CLSTN1: variants seen among roughly 807,000 people sequenced by gnomAD.
CLSTN1 encodes calsyntenin-1.
CLSTN1 carries 28 observed loss-of-function variants against 108.3 expected under a neutral mutation model. The observed-to-expected ratio is 0.26, with a 90% CI of 0.19 to 0.35. The LOEUF is 0.35. CLSTN1 is among the 10% of genes least tolerant of loss of function. CLSTN1 has a pLI of 1.00. For missense variants in CLSTN1, 1,157 were observed against 1,302.6 expected, an observed-to-expected ratio of 0.89 and a Z score of 1.72; for synonymous variants, 524 against 534.9, an observed-to-expected ratio of 0.98 and a Z score of 0.28.
Position 9,751,600 on chromosome 1 carries a change from G to C in CLSTN1, c.522C>G (p.Ile174Met), listed in dbSNP as rs180878409. The C allele has an allele frequency of 1.2e-6, 2 of 1,614,140 alleles. No individual in the cohort carries two copies. The highest frequency in any genetic ancestry group is 1.3e-5 in the African/African-American group (1 of 75,038). The stretch of plus-strand genomic sequence containing the variant: ...AAATGCTGTCGTACTGCTTCCCCTC[G>C]ATGACCGTGGCTTTGTAGGACTTCT... ...FKEKSYKATV[I>M]EGKQYDSILR... is the part of the protein sequence containing the mutation. Residue 174 changes from isoleucine (I) to methionine (M), a missense_variant, in exon 5 of 19, where the codon ATC becomes ATG. Ile to Met is a conservative substitution (Grantham distance 10, BLOSUM62 1). Coordinates refer to ENST00000377298, the MANE Select transcript of CLSTN1 (RefSeq NM_001009566.3).
chr1:9,774,383 T>C (rs891083948), intron 1 of CLSTN1, among the ~76,000 whole-genome samples: 3 of 151,912 alleles, frequency 2.0e-5, no homozygotes, highest in Non-Finnish European at 4.4e-5. Context: ...CTGGCCAATA[T>C]GTTGAAACCC....
chr1:9,754,965 G>A, intron 4 of CLSTN1, 149 bp downstream of exon 4: 1 of 608,660 alleles, frequency 1.6e-6, no homozygotes, highest in Non-Finnish European at 2.9e-6. Flanking sequence ...CCCTCCAAGT[G>A]TTTACAATCT....
At chr1:9,784,615 A>G (rs1653397866) in intron 1 of CLSTN1, among the ~76,000 whole-genome samples, 1 of 152,220 alleles carries the variant, frequency 6.6e-6, no homozygotes. Context: ...ATATTGCAAG[A>G]GACTGTTGGC....
chr1:9,750,107 G>A, intron 5 of CLSTN1, 194 bp from the exon 6 acceptor site: 1 of 546,512 alleles, frequency 1.8e-6, no homozygotes, highest in Non-Finnish European at 3.3e-6. Flanking sequence ...ATCCTGAAGA[G>A]TTTCAACAGA....
intron 4 of CLSTN1, 144 bp downstream of exon 4, chr1:9,754,970 C>T: frequency 1.6e-6 from 1 of 616,992 alleles, no homozygotes; most frequent in South Asian, 2.3e-5. Context: ...CAAGTGTTTA[C>T]AATCTAATTG....
At chr1:9,781,994 G>A (rs1339657866) in intron 1 of CLSTN1, among the ~76,000 whole-genome samples, 2 of 152,142 alleles carry the variant, frequency 1.3e-5, no homozygotes, top group Non-Finnish European at 2.9e-5. Flanking sequence ...GCTGAAAGCT[G>A]ACACTATTTC....
Position 9,730,407 on chromosome 1 carries a change from A to T in CLSTN1, c.*101T>A. 8.9e-7 allele frequency: 1 copy of T among 1,126,760 alleles called. No homozygotes were observed. Among genetic ancestry groups the T allele is most frequent in the Non-Finnish European group, 1.3e-6 (1 of 763,802 alleles). The allele number at this position is 1,126,760 out of a possible 1,614,324, so 69.8% of individuals were successfully genotyped here. A position where few individuals can be genotyped will look rare whatever the true frequency, so the allele number is the denominator to read the frequency against. On this transcript the variant is annotated 3_prime_UTR_variant, in exon 19 of 19. Transcript: ENST00000377298. This position sits in a 1 kb window ranked among gnomAD's most constrained non-coding sequence, Gnocchi z 5.6. ...GTGGCGGGGAGGGGTCTGCACACCT[A>T]CTGGCCGAAATGACTTTGTACATCG...
intron 1 of CLSTN1, among the ~76,000 whole-genome samples, chr1:9,792,602 C>G (rs1030264225): frequency 6.6e-6 from 1 of 151,360 alleles, no homozygotes; most frequent in African/African-American, 2.4e-5. Context: ...ACTCCAGCCA[C>G]GGGTGTCGGG....
intron 1 of CLSTN1, among the ~76,000 whole-genome samples, chr1:9,806,379 G>T (rs61479984): frequency 0.16 from 23,807 of 152,116 alleles, 2,198 homozygotes; most frequent in East Asian, 0.39. Context: ...GGGGTCCTGA[G>T]ACCAAACAAT....
rs1314677848 is a variant in CLSTN1 at position 9,734,916 on chromosome 1, C to T, written c.2110+32G>A. The T allele has an allele frequency of 6.3e-6, 10 of 1,585,304 alleles. No individual in the cohort carries two copies. Among genetic ancestry groups the T allele is most frequent in the South Asian group, 4.4e-5 (4 of 90,546 alleles). ...GGGACAATGGGGTTTCCGGCCGAGGCGAGGGAGCCCGCGCCCCACAGAGCA... is the reference window on the plus strand; with the variant it reads ...GGGACAATGGGGTTTCCGGCCGAGGTGAGGGAGCCCGCGCCCCACAGAGCA... On this transcript the variant is annotated intron_variant, in intron 14 of 18. Coordinates refer to ENST00000377298, the MANE Select transcript of CLSTN1 (RefSeq NM_001009566.3). This position sits in a 1 kb window ranked among gnomAD's most constrained non-coding sequence, Gnocchi z 4.8.
intron 1 of CLSTN1, among the ~76,000 whole-genome samples, chr1:9,817,208 T>A (rs1655007113): frequency 6.6e-6 from 1 of 152,232 alleles, no homozygotes; most frequent in South Asian, 2.1e-4. Flanking sequence ...TTCTATTAAT[T>A]CTTTTTAAGA....
intron 2 of CLSTN1, among the ~76,000 whole-genome samples, chr1:9,769,849 T>C (rs1161439723): frequency 6.6e-6 from 1 of 151,524 alleles, no homozygotes; most frequent in Non-Finnish European, 1.5e-5. Context: ...GAGACCACGG[T>C]GAAACCCCAT....
chr1:9,775,832 G>T (rs1652912147), intron 1 of CLSTN1, among the ~76,000 whole-genome samples: 3 of 152,140 alleles, frequency 2.0e-5, no homozygotes, highest in African/African-American at 4.8e-5. Flanking sequence ...AACATTCCAG[G>T]ATGTGATGCT....
intron 1 of CLSTN1, among the ~76,000 whole-genome samples, chr1:9,805,359 C>T (rs1295523672): frequency 1.3e-5 from 2 of 152,086 alleles, no homozygotes; most frequent in South Asian, 2.1e-4. Flanking sequence ...AGGACTCCTG[C>T]GGGGGCAGGG....
chr1:9,804,811 G>A (rs1374709458), intron 1 of CLSTN1, among the ~76,000 whole-genome samples: 2 of 152,050 alleles, frequency 1.3e-5, no homozygotes, highest in Non-Finnish European at 2.9e-5. Context: ...CAGCCTGGGC[G>A]ATGGAGTGAG....
Position 9,755,147 on chromosome 1 carries a change from C to T in CLSTN1, c.407G>A (p.Gly136Glu). The T allele has an allele frequency of 1.2e-6, 2 of 1,613,588 alleles. No homozygotes were observed. The highest frequency in any genetic ancestry group is 1.1e-5 in the South Asian group (1 of 91,034). The change falls in exon 4 of 19, where the codon GGA becomes GAA. Residue 136 changes from glycine (G) to glutamate (E), a missense_variant. Transcript: ENST00000377298. ...FTIQAYDCGK[G>E]PDGTNVKKSH... is the part of the protein sequence containing the mutation. ...CTTTTTCACGTTGGTGCCATCAGGT[C>T]CCTTCCCACAATCATAGGCCTGGAT...
chr1:9,780,405 CATG>C (rs1194160464), intron 1 of CLSTN1, among the ~76,000 whole-genome samples: 1 of 152,102 alleles, frequency 6.6e-6, no homozygotes, highest in African/African-American at 2.4e-5. Context: ...ACAGAAAACC[CATG>C]ATGAGTAGTA....
chr1:9,747,692 C>T (rs562211255), intron 7 of CLSTN1, among the ~76,000 whole-genome samples: 48 of 152,038 alleles, frequency 3.2e-4, no homozygotes, highest in Admixed American at 8.5e-4. Flanking sequence ...GCGGGGGTTT[C>T]ATCATGTTGA....
At chr1:9,741,691 C>G (rs566159777) in intron 9 of CLSTN1, among the ~76,000 whole-genome samples, 1 of 152,312 alleles carries the variant, frequency 6.6e-6, no homozygotes, top group Admixed American at 6.5e-5. Context: ...GCGAGGAGAT[C>G]ACTTGAGGTC....
Sources: gnomAD v4.1 joint callset for allele counts (sites outside exome capture counted in the v4.1 genomes callset) on GRCh38, gnomAD v4.1.1 for gene constraint, Gnocchi (gnomAD v3.1) non-coding constraint, MANE v1.5 for transcripts, NCBI Gene and HGNC (gene_info 2026-07-23, HGNC 2026-07-21) for gene names.